Variants in TJP1 observed in about 807,000 individuals in gnomAD.
The protein encoded by TJP1 is tight junction protein 1, also known as tight junction protein ZO-1.
A neutral mutation model predicts 194.2 loss-of-function variants in TJP1; 43 were observed. The observed-to-expected ratio is 0.22, with a 90% CI of 0.17 to 0.29. TJP1 has a LOEUF of 0.29. Ranked by LOEUF, TJP1 falls within the 10% of genes least tolerant of loss-of-function variation. The probability of loss-of-function intolerance (pLI) is 1.00; values close to 1 mark genes in which losing one functional copy is unlikely to be tolerated. For missense variants in TJP1, 1,971 were observed against 2,185.7 expected (o/e 0.90, Z 1.96); for synonymous variants, 801 against 779.0 (o/e 1.03, Z -0.47).
At chr15:29,949,608 C>CTA (rs1567225584) in intron 2 of TJP1, among the ~76,000 whole-genome samples, 383 of 82,268 alleles carry the variant, frequency 4.7e-3, no homozygotes, top group African/African-American at 0.013. Flanking sequence ...ACCACCTCCA[C>CTA]CTTCACCACC....
At chr15:29,819,088 A>G (rs2050144837) in intron 1 of TJP1, among the ~76,000 whole-genome samples, 3 of 152,170 alleles carry the variant, frequency 2.0e-5, no homozygotes, top group Admixed American at 1.3e-4. Flanking sequence ...CTTTAGTATC[A>G]TGCACGGAGG....
chr15:29,950,560 C>T lies in TJP1; in HGVS notation c.306+5672G>A, dbSNP rs563422797. Among the ~76,000 whole-genome samples the T allele has an allele frequency of 2.0e-5, 3 of 152,242 alleles. No homozygotes were observed. The South Asian group carries it at 6.2e-4, about 32-fold the overall frequency. ...CCAGAGCAGAGGAGCCCACGATGCT[C>T]CCTGCAGTTTCTTCCAGGCTCTCGT... is the stretch of plus-strand genomic sequence containing the variant. On this transcript the variant is annotated intron_variant, in intron 2 of 28. Transcript: ENST00000356107.
intron 2 of TJP1, among the ~76,000 whole-genome samples, chr15:29,949,724 G>A (rs868206783): frequency 0.012 from 197 of 16,398 alleles, 1 homozygote; most frequent in South Asian, 0.077. Context: ...CACCTCCACC[G>A]CCATCACCTC....
At chr15:29,836,432 C>G (rs1172863153) in intron 2 of TJP1, among the ~76,000 whole-genome samples, 2 of 151,990 alleles carry the variant, frequency 1.3e-5, no homozygotes, top group Non-Finnish European at 2.9e-5. Context: ...GCCACCACGC[C>G]TGGCTAATTT....
intron 2 of TJP1, among the ~76,000 whole-genome samples, chr15:29,863,462 T>C (rs2052174149): frequency 6.6e-6 from 1 of 152,052 alleles, no homozygotes; most frequent in Non-Finnish European, 1.5e-5. Flanking sequence ...CTGGCAGATA[T>C]GTGTTGTTTG....
intron 2 of TJP1, among the ~76,000 whole-genome samples, chr15:29,858,599 A>C (rs1365111141): frequency 6.6e-6 from 1 of 152,000 alleles, no homozygotes; most frequent in Non-Finnish European, 1.5e-5. Context: ...GCTGGAGTAC[A>C]GTGCCACAAT....
intron 2 of TJP1, among the ~76,000 whole-genome samples, chr15:29,852,891 C>T (rs1371692294): frequency 5.3e-5 from 8 of 150,290 alleles, no homozygotes; most frequent in Admixed American, 4.0e-4. Flanking sequence ...GCAACCACAG[C>T]GAAACTTCAT....
At chr15:29,794,927 T>C (rs760866513) in intron 2 of TJP1, among the ~76,000 whole-genome samples, 9 of 152,110 alleles carry the variant, frequency 5.9e-5, no homozygotes, top group Non-Finnish European at 1.3e-4. Flanking sequence ...AAAACAAAAG[T>C]AGGTATTTTG....
At chr15:29,960,486 C>T (rs896240114) in intron 1 of TJP1, among the ~76,000 whole-genome samples, 3 of 151,700 alleles carry the variant, frequency 2.0e-5, no homozygotes, top group South Asian at 4.2e-4. Context: ...TACAAAAAAA[C>T]TCGCCAGGCG....
At chr15:29,966,124 T>G (rs4779466) in intron 1 of TJP1, among the ~76,000 whole-genome samples, 33,669 of 152,144 alleles carry the variant, frequency 0.22, 3,939 homozygotes, top group East Asian at 0.4. Flanking sequence ...TGATGGAAAA[T>G]AATAAATATA....
intron 4 of TJP1, 129 bp from the exon 5 acceptor site, chr15:29,766,671 C>G: frequency 1.2e-6 from 1 of 837,558 alleles, no homozygotes; most frequent in Non-Finnish European, 1.7e-6. Context: ...AATACACAAA[C>G]AACTACAACA....
chr15:29,839,203 T>C (rs537667835), intron 2 of TJP1, among the ~76,000 whole-genome samples: 120 of 152,054 alleles, frequency 7.9e-4, no homozygotes, highest in African/African-American at 2.7e-3. Flanking sequence ...TTTCCCTGTG[T>C]TAGCCAGGAT....
chr15:29,799,148 A>T (rs1471746219), intron 2 of TJP1, among the ~76,000 whole-genome samples: 4 of 152,208 alleles, frequency 2.6e-5, no homozygotes. Context: ...TATACCAATA[A>T]AAACAATAAA....
chr15:29,802,820 C>G (rs962811429), intron 1 of TJP1, among the ~76,000 whole-genome samples: 1 of 152,164 alleles, frequency 6.6e-6, no homozygotes, highest in African/African-American at 2.4e-5. Context: ...CATTGTTTTA[C>G]TGCCTTTTTA....
In TJP1 at chr15:29,719,963, T is replaced by A; in HGVS notation, c.2817A>T (p.Ala939=). The part of the protein sequence containing the change: ...VPYLSPETNP[A]SSTSAVNHNV... ...TATGATTAACAGCAGAGGTTGATGA[T>A]GCTGGGTTTGTTTCAGGCGAAAGGT... The change falls in exon 20 of 28, where the codon GCA becomes GCT. Residue 939 remains alanine (A), a synonymous_variant. Coordinates refer to ENST00000614355, the MANE Select transcript of TJP1 (RefSeq NM_001330239.4). The A allele has an allele frequency of 6.2e-7, 1 of 1,614,182 alleles. No homozygotes were observed. Among genetic ancestry groups the A allele is most frequent in the Non-Finnish European group, 8.5e-7 (1 of 1,180,038 alleles).
At chr15:29,846,708 G>A (rs1285230801) in intron 2 of TJP1, among the ~76,000 whole-genome samples, 4 of 152,148 alleles carry the variant, frequency 2.6e-5, no homozygotes, top group Non-Finnish European at 5.9e-5. Flanking sequence ...GGCGGATCAC[G>A]AGGTCAGGAG....
rs200666209 is a variant in TJP1 at position 29,732,819 on chromosome 15, C to T, written c.1737-4G>A. ...TACACTGGCTAGCTGCTCAGCTCTA[C>T]ACAAGAAAGGAGAAAATTAAAATAA... On this transcript the variant is annotated splice_polypyrimidine_tract_variant and splice_region_variant and intron_variant, in intron 13 of 27. Transcript: ENST00000614355. 2 of 1,565,270 alleles carry T rather than the reference C, an allele frequency of 1.3e-6. No individual in the cohort carries two copies. The highest frequency in any genetic ancestry group is 2.8e-5 in the African/African-American group (2 of 72,036).
At chr15:29,804,464 A>G (rs1334643427) in intron 1 of TJP1, among the ~76,000 whole-genome samples, 1 of 152,144 alleles carries the variant, frequency 6.6e-6, no homozygotes, top group Non-Finnish European at 1.5e-5. Context: ...TTCCATAAAG[A>G]AAAAATGTTC....
At chr15:29,836,558 C>T (rs1479247757) in intron 2 of TJP1, among the ~76,000 whole-genome samples, 1 of 152,184 alleles carries the variant, frequency 6.6e-6, no homozygotes, top group African/African-American at 2.4e-5. Flanking sequence ...GCCTGAGCCA[C>T]TGCGCCCAGC....
Sources: allele counts gnomAD v4.1 joint callset (sites outside exome capture counted in the v4.1 genomes callset), GRCh38; gene constraint gnomAD v4.1.1; transcripts MANE v1.5; gene names NCBI Gene and HGNC (gene_info 2026-07-23, HGNC 2026-07-21).